Variants in NTNG1 observed in about 807,000 individuals in gnomAD.
NTNG1 encodes netrin G1.
A neutral mutation model predicts 54.0 loss-of-function variants in NTNG1; 16 were observed. The ratio of observed to expected loss-of-function variants is 0.30; its 90% CI spans 0.20 to 0.45. The LOEUF (loss-of-function observed/expected upper bound fraction) is 0.45, where lower values mean the gene tolerates loss of function less well. Among genes scored for constraint, NTNG1 ranks in the 20% least tolerant of loss-of-function variants. NTNG1 has a pLI of 1.00. For missense variants in NTNG1, 530 were observed against 678.7 expected, an observed-to-expected ratio of 0.78 and a Z score of 2.43; for synonymous variants, 255 against 263.1, an observed-to-expected ratio of 0.97 and a Z score of 0.30.
intron 2 of NTNG1, among the ~76,000 whole-genome samples, chr1:107,190,861 A>G (rs1303517244): frequency 2.0e-5 from 3 of 152,100 alleles, no homozygotes; most frequent in Non-Finnish European, 2.9e-5. Flanking sequence ...AGTCTTTGCT[A>G]TTGTGAATAG....
At chr1:107,348,622 C>T (rs1262747107) in intron 3 of NTNG1, among the ~76,000 whole-genome samples, 1 of 152,148 alleles carries the variant, frequency 6.6e-6, no homozygotes, top group Non-Finnish European at 1.5e-5. Flanking sequence ...CATTGTCCCC[C>T]TGATGACAAT....
chr1:107,350,639 A>G (rs1669544997), intron 3 of NTNG1, among the ~76,000 whole-genome samples: 1 of 152,224 alleles, frequency 6.6e-6, no homozygotes, highest in African/African-American at 2.4e-5. Context: ...ATGCATATAT[A>G]CAATGTGATG....
chr1:107,165,333 G>A (rs1288159016), intron 2 of NTNG1, among the ~76,000 whole-genome samples: 4 of 152,128 alleles, frequency 2.6e-5, no homozygotes, highest in South Asian at 2.1e-4. Context: ...ATCTAACAGC[G>A]TTTAAGACAT....
At position 107,374,188 on chromosome 1, in the gene NTNG1, G is replaced by A. The variant is rs576734402; in HGVS notation, c.888-20966G>A. ...GCTTTCAAGATAGTCTGTATTGCTC[G>A]TTTGGGGCATGTTTGTTTAAGATGT... On this transcript the variant is annotated intron_variant, in intron 3 of 7. Transcript: ENST00000370068. Among the ~76,000 whole-genome samples, 24 of 152,180 alleles carry A rather than the reference G, an allele frequency of 1.6e-4. 1 individual carries two copies. In the East Asian group the frequency reaches 1.9e-3, roughly 12 times the overall value.
intron 2 of NTNG1, among the ~76,000 whole-genome samples, chr1:107,188,035 T>C (rs1657594503): frequency 6.9e-6 from 1 of 144,596 alleles, no homozygotes; most frequent in African/African-American, 2.5e-5. Flanking sequence ...TACTTACCTC[T>C]GTGTGTAATC....
chr1:107,386,170 T>A (rs576821119), intron 3 of NTNG1, among the ~76,000 whole-genome samples: 1,594 of 143,114 alleles, frequency 0.011, 24 homozygotes, highest in Admixed American at 0.033. Flanking sequence ...TATATATTTT[T>A]TTTTTTTTCT....
At chr1:107,480,588 C>CCCCCA in intron 7 of NTNG1, 23 bp from the exon 8 acceptor site, 1 of 1,119,752 alleles carries the variant, frequency 8.9e-7, no homozygotes, top group Non-Finnish European at 1.3e-6. Flanking sequence ...CCACCCACCC[C>CCCCCA]TACCTTCCCC....
At chr1:107,261,536 A>G (rs1663325095) in intron 2 of NTNG1, among the ~76,000 whole-genome samples, 1 of 152,148 alleles carries the variant, frequency 6.6e-6, no homozygotes, top group Non-Finnish European at 1.5e-5. Context: ...TTAGAAGATA[A>G]ATTTGCTATT....
intron 3 of NTNG1, among the ~76,000 whole-genome samples, chr1:107,375,547 A>T (rs139950929): frequency 1.8e-3 from 267 of 152,290 alleles, no homozygotes; most frequent in African/African-American, 5.9e-3. Context: ...GGTACTATTG[A>T]TCAGCTATTT....
At chr1:107,296,582 T>C (rs1316653513) in intron 2 of NTNG1, among the ~76,000 whole-genome samples, 1 of 148,760 alleles carries the variant, frequency 6.7e-6, no homozygotes, top group African/African-American at 2.4e-5. Flanking sequence ...CACATAATTA[T>C]AAATATATGA....
chr1:107,248,683 C>T (rs1339533776), intron 2 of NTNG1, among the ~76,000 whole-genome samples: 3 of 152,054 alleles, frequency 2.0e-5, no homozygotes, highest in Non-Finnish European at 4.4e-5. Context: ...TGGTCACATC[C>T]CAAATCCAGG....
At chr1:107,396,407 A>C (rs1672687391) in intron 4 of NTNG1, among the ~76,000 whole-genome samples, 1 of 152,184 alleles carries the variant, frequency 6.6e-6, no homozygotes, top group South Asian at 2.1e-4. Flanking sequence ...TTATGATAAC[A>C]TTTCTATGAA....
chr1:107,468,231 C>T (rs1485353413), intron 7 of NTNG1, among the ~76,000 whole-genome samples: 1 of 152,112 alleles, frequency 6.6e-6, no homozygotes, highest in Non-Finnish European at 1.5e-5. Flanking sequence ...TAGAACACTC[C>T]TACCAAGTAT....
chr1:107,407,869 G>T (rs1673543873), intron 5 of NTNG1, 161 bp downstream of exon 5: 1 of 761,948 alleles, frequency 1.3e-6, no homozygotes, highest in Non-Finnish European at 2.4e-6. Flanking sequence ...CACAGATCTG[G>T]TGAGAACACA....
intron 2 of NTNG1, among the ~76,000 whole-genome samples, chr1:107,193,798 A>G (rs1314772573): frequency 6.6e-6 from 1 of 151,530 alleles, no homozygotes; most frequent in Non-Finnish European, 1.5e-5. Flanking sequence ...CTGCCACCAG[A>G]CCTTCCTTTC....
At chr1:107,269,665 G>A (rs1664010972) in intron 2 of NTNG1, among the ~76,000 whole-genome samples, 1 of 152,164 alleles carries the variant, frequency 6.6e-6, no homozygotes, top group South Asian at 2.1e-4. Flanking sequence ...TTGATTATGG[G>A]AGACTAGGAT....
At chr1:107,280,872 TTTTATTTTA>T in intron 2 of NTNG1, among the ~76,000 whole-genome samples, 1 of 150,334 alleles carries the variant, frequency 6.7e-6, no homozygotes, top group South Asian at 2.1e-4. Flanking sequence ...TTTTATTTTA[TTTTATTTTA>T]TTTTATTTTA....
chr1:107,329,945 T>C (rs1034301288), intron 3 of NTNG1, among the ~76,000 whole-genome samples: 14 of 152,108 alleles, frequency 9.2e-5, no homozygotes, highest in Non-Finnish European at 1.6e-4. Context: ...GTGATTTTAC[T>C]GTGTGAATAT....
intron 2 of NTNG1, among the ~76,000 whole-genome samples, chr1:107,318,946 AT>A (rs771608687): frequency 2.0e-5 from 3 of 152,124 alleles, no homozygotes; most frequent in Non-Finnish European, 1.5e-5. Context: ...GTCTGAAGAT[AT>A]ACAGTTTGTC....
Sources: gnomAD v4.1 joint callset for allele counts (sites outside exome capture counted in the v4.1 genomes callset) on GRCh38, gnomAD v4.1.1 for gene constraint, MANE v1.5 for transcripts, NCBI Gene and HGNC (gene_info 2026-07-23, HGNC 2026-07-21) for gene names.